The following CACNA1E variants were observed in gnomAD, a reference collection of about 807,000 sequenced individuals.
The protein encoded by CACNA1E is calcium voltage-gated channel subunit alpha1 E.
CACNA1E carries 40 observed loss-of-function variants against 259.2 expected under a neutral mutation model. The ratio of observed to expected loss-of-function variants is 0.15; its 90% confidence interval spans 0.12 to 0.20. CACNA1E has a LOEUF of 0.20. Among genes scored for constraint, CACNA1E ranks in the 10% least tolerant of loss-of-function variants. CACNA1E has a pLI of 1.00. For missense variants in CACNA1E, 1,874 were observed against 3,040.1 expected, an observed-to-expected ratio of 0.62 and a Z score of 9.02; for synonymous variants, 1,104 against 1,138.5, an observed-to-expected ratio of 0.97 and a Z score of 0.61.
intron 6 of CACNA1E, among the ~76,000 whole-genome samples, chr1:181,612,803 G>A (rs1346018869): frequency 1.3e-5 from 2 of 152,192 alleles, no homozygotes; most frequent in Non-Finnish European, 2.9e-5. Flanking sequence ...TAACTGTCAG[G>A]TTGACTGAAT....
intron 1 of CACNA1E, among the ~76,000 whole-genome samples, chr1:181,385,804 C>A (rs540542922): frequency 2.9e-4 from 44 of 151,286 alleles, no homozygotes; most frequent in Admixed American, 2.7e-3. Flanking sequence ...CCCTCCCTCC[C>A]TCCGTTTCTC....
In CACNA1E at chr1:181,800,637, A is replaced by G. The variant is rs1283278005; in HGVS notation, c.*1803A>G. On this transcript the variant is annotated 3_prime_UTR_variant, in exon 48 of 48. Coordinates refer to ENST00000367573, the MANE Select transcript of CACNA1E (RefSeq NM_001205293.3). ...CTGCCCTGCACTGAGCACTCAGTGG[A>G]TAAACACTCCTCCAGCCCAGACACA... The G allele has an allele frequency of 6.6e-6, 1 of 152,632 alleles. No individual in the cohort carries two copies. The highest frequency in any genetic ancestry group is 1.5e-5 in the Non-Finnish European group (1 of 68,048). 9.5% of individuals were successfully genotyped at this position (152,632 alleles called of 1,614,324 possible).
intron 24 of CACNA1E, 90 bp downstream of exon 24, chr1:181,738,516 C>T: frequency 9.7e-7 from 1 of 1,026,924 alleles, no homozygotes; most frequent in Non-Finnish European, 1.5e-6. Flanking sequence ...AGTGTTACCA[C>T]CTACCAGCCA....
chr1:181,801,030 C>G lies in CACNA1E; in HGVS notation c.*2196C>G, dbSNP rs922441206. The G allele has an allele frequency of 6.6e-6, 1 of 152,664 alleles. No individual in the cohort carries two copies. Among genetic ancestry groups the G allele is most frequent in the Non-Finnish European group, 1.5e-5 (1 of 68,044 alleles). 9.5% of individuals were successfully genotyped at this position (152,664 alleles called of 1,614,324 possible). A position where few individuals can be genotyped will look rare whatever the true frequency, so the allele number is the denominator to read the frequency against. ...CTGATCCTAACAGGTGTGATTGTTACGTAAGACGCTGATACTGGGCCTTGT... is the reference window on the plus strand; with the variant it reads ...CTGATCCTAACAGGTGTGATTGTTAGGTAAGACGCTGATACTGGGCCTTGT... On this transcript the variant is annotated 3_prime_UTR_variant, in exon 48 of 48. Coordinates refer to ENST00000367573, the MANE Select transcript of CACNA1E (RefSeq NM_001205293.3).
intron 37 of CACNA1E, among the ~76,000 whole-genome samples, chr1:181,772,475 T>C (rs1311089331): frequency 6.6e-6 from 1 of 152,178 alleles, no homozygotes; most frequent in Non-Finnish European, 1.5e-5. Context: ...TGACTTTCAA[T>C]GATTGAGAAA....
chr1:181,761,878 A>G (rs1421420929), intron 32 of CACNA1E, among the ~76,000 whole-genome samples: 1 of 152,170 alleles, frequency 6.6e-6, no homozygotes, highest in African/African-American at 2.4e-5. Flanking sequence ...CCTTCAGCCC[A>G]CTCATTGTAT....
chr1:181,367,730 A>G (rs1330359326), intron 1 of CACNA1E, among the ~76,000 whole-genome samples: 1 of 151,686 alleles, frequency 6.6e-6, no homozygotes, highest in African/African-American at 2.4e-5. Context: ...AATGTTTCAT[A>G]AGAGATGGGT....
intron 7 of CACNA1E, among the ~76,000 whole-genome samples, chr1:181,709,829 A>G (rs1418400006): frequency 6.6e-6 from 1 of 152,074 alleles, no homozygotes. Flanking sequence ...AATAAGTAGA[A>G]CAGCTTCCCA....
chr1:181,607,507 G>A (rs776680500), intron 6 of CACNA1E, among the ~76,000 whole-genome samples: 8 of 152,226 alleles, frequency 5.3e-5, no homozygotes, highest in Admixed American at 2.0e-4. Flanking sequence ...CAGCGTGTGC[G>A]GTAGCCTGAA....
intron 2 of CACNA1E, among the ~76,000 whole-genome samples, chr1:181,446,876 G>T (rs755716071): frequency 1.3e-4 from 20 of 152,002 alleles, no homozygotes; most frequent in Non-Finnish European, 1.8e-4. Context: ...AATGGTACCT[G>T]GTTTGTTTCC....
intron 7 of CACNA1E, among the ~76,000 whole-genome samples, chr1:181,662,701 C>T (rs1647807890): frequency 6.7e-6 from 1 of 149,462 alleles, no homozygotes; most frequent in Non-Finnish European, 1.5e-5. Context: ...CTGGTTTACA[C>T]TCAGTAGGTG....
At chr1:181,463,592 TG>T (rs1558023822) in intron 2 of CACNA1E, among the ~76,000 whole-genome samples, 1 of 152,168 alleles carries the variant, frequency 6.6e-6, no homozygotes, top group African/African-American at 2.4e-5. Flanking sequence ...AACATATGTT[TG>T]TTGGCCATTT....
At chr1:181,529,573 C>G (rs1006248388) in intron 3 of CACNA1E, among the ~76,000 whole-genome samples, 1 of 152,224 alleles carries the variant, frequency 6.6e-6, no homozygotes, top group Admixed American at 6.5e-5. Context: ...AGGAGGAAGG[C>G]TGTACTTCAC....
intron 1 of CACNA1E, among the ~76,000 whole-genome samples, chr1:181,401,970 T>G (rs1400338992): frequency 2.0e-5 from 3 of 152,170 alleles, no homozygotes; most frequent in African/African-American, 7.2e-5. Flanking sequence ...GGGGCACTTG[T>G]GTTTGGTCTG....
chr1:181,707,522 G>C (rs1464971273), intron 7 of CACNA1E, among the ~76,000 whole-genome samples: 1 of 152,142 alleles, frequency 6.6e-6, no homozygotes, highest in Non-Finnish European at 1.5e-5. Context: ...GTTAGACGGG[G>C]GTTTGTTGGC....
chr1:181,637,333 A>G (rs111333039), intron 6 of CACNA1E, among the ~76,000 whole-genome samples: 21 of 152,016 alleles, frequency 1.4e-4, no homozygotes, highest in African/African-American at 5.1e-4. Flanking sequence ...TAGTTTTGCT[A>G]TTTTAGTGGT....
At chr1:181,513,505 C>T (rs867112168) in intron 3 of CACNA1E, among the ~76,000 whole-genome samples, 9 of 152,284 alleles carry the variant, frequency 5.9e-5, no homozygotes, top group Non-Finnish European at 8.8e-5. Context: ...GATGCTCCAA[C>T]GTACGTCTTT....
chr1:181,331,212 GGA>G (rs1491230568), intron 1 of CACNA1E, among the ~76,000 whole-genome samples: 2 of 148,944 alleles, frequency 1.3e-5, no homozygotes, highest in Non-Finnish European at 3.0e-5. Context: ...AGAATCAATA[GGA>G]GATAGATAGA....
At chr1:181,575,822 A>C (rs1172285161) in intron 3 of CACNA1E, among the ~76,000 whole-genome samples, 1 of 152,174 alleles carries the variant, frequency 6.6e-6, no homozygotes, top group Non-Finnish European at 1.5e-5. Context: ...CCTTTATTAC[A>C]AGAACCAGCC....
Sources: gnomAD v4.1 joint callset for allele counts (sites outside exome capture counted in the v4.1 genomes callset) on GRCh38, gnomAD v4.1.1 for gene constraint, MANE v1.5 for transcripts, NCBI Gene and HGNC (gene_info 2026-07-23, HGNC 2026-07-21) for gene names.